Variants in SLC5A3 observed in about 807,000 individuals in gnomAD.
The protein encoded by SLC5A3 is sodium/myo-inositol cotransporter.
In SLC5A3, 10 loss-of-function variants were observed where a neutral mutation model predicts 43.2. That is an observed-to-expected ratio of 0.23 (90% confidence interval 0.14 to 0.39). SLC5A3 has a LOEUF of 0.39. Ranked by LOEUF, SLC5A3 falls within the 10% of genes least tolerant of loss-of-function variation. The pLI, the probability that SLC5A3 is intolerant of heterozygous loss-of-function variation, is 1.00. For synonymous variants in SLC5A3, 349 were observed against 322.0 expected (o/e 1.08, Z -0.90); for missense variants, 608 against 893.4 (o/e 0.68, Z 4.07).
At chr21:34,078,786 T>C (rs1989392558) in intron 1 of SLC5A3, among the ~76,000 whole-genome samples, 1 of 152,226 alleles carries the variant, frequency 6.6e-6, no homozygotes, top group African/African-American at 2.4e-5. Context: ...GATAAAATAC[T>C]GTGTGATTAC....
intron 1 of SLC5A3, among the ~76,000 whole-genome samples, chr21:34,091,271 T>G (rs1469753815): frequency 6.6e-6 from 1 of 152,032 alleles, no homozygotes; most frequent in Non-Finnish European, 1.5e-5. Context: ...GGCCCCGCCC[T>G]GTGTCATTGA....
Position 34,098,720 on chromosome 21 carries a change from C to G in SLC5A3, c.*1365C>G, listed in dbSNP as rs1479951013. On this transcript the variant is annotated 3_prime_UTR_variant, in exon 2 of 2. Transcript: ENST00000381151. Reference sequence around the variant, plus strand: ...TACAGGACTGTGTAATTATAGGACTCTAACTTGACATGGCTTGGCACCCAC... The same window carrying G: ...TACAGGACTGTGTAATTATAGGACTGTAACTTGACATGGCTTGGCACCCAC... 4 of 1,000,088 alleles carry G rather than the reference C, an allele frequency of 4.0e-6. No homozygotes were observed. Among genetic ancestry groups the G allele is most frequent in the African/African-American group, 1.7e-5 (1 of 57,212 alleles). 62.0% of individuals were successfully genotyped at this position (1,000,088 alleles called of 1,614,324 possible).
intron 1 of SLC5A3, among the ~76,000 whole-genome samples, chr21:34,091,245 C>T (rs899210147): frequency 1.2e-4 from 9 of 73,672 alleles, no homozygotes; most frequent in Admixed American, 1.2e-3. Context: ...AAGATTATTG[C>T]GTACTACTCT....
At position 34,096,380 on chromosome 21, in the gene SLC5A3, G is replaced by A. The variant is rs199974492; in HGVS notation, c.1182G>A (p.Val394=). ...NSASTIFTLD[V]YKLIRKSASS... is the part of the protein sequence containing the mutation. ...CCAGTACCATATTCACCCTCGATGT[G>A]TACAAACTTATCCGCAAGAGCGCAA... is the stretch of plus-strand genomic sequence containing the variant. The change falls in exon 2 of 2, where the codon GTG becomes GTA. Residue 394 remains valine, a synonymous_variant. Coordinates refer to ENST00000381151, the MANE Select transcript of SLC5A3 (RefSeq NM_006933.7). The surrounding 1 kb of genome is among the most constrained non-coding windows in gnomAD (Gnocchi z 5.9). 35 of 1,614,050 alleles carry A rather than the reference G, an allele frequency of 2.2e-5. No individual in the cohort carries two copies. Among genetic ancestry groups the A allele is most frequent in the African/African-American group, 9.3e-5 (7 of 74,928 alleles).
At chr21:34,089,744 T>C (rs1311706914) in intron 1 of SLC5A3, among the ~76,000 whole-genome samples, 1 of 152,220 alleles carries the variant, frequency 6.6e-6, no homozygotes, top group Non-Finnish European at 1.5e-5. Context: ...CCCTCCCTAC[T>C]CTGCCTCAAC....
intron 1 of SLC5A3, among the ~76,000 whole-genome samples, chr21:34,078,692 C>G (rs546250549): frequency 6.6e-6 from 1 of 152,024 alleles, no homozygotes; most frequent in Non-Finnish European, 1.5e-5. Context: ...GTTTGTACTA[C>G]TACATGTTTA....
intron 1 of SLC5A3, among the ~76,000 whole-genome samples, chr21:34,091,837 TA>T (rs771957597): frequency 3.4e-4 from 52 of 152,324 alleles, no homozygotes; most frequent in Non-Finnish European, 6.8e-4. Context: ...ATTCTACAAG[TA>T]TTACTCCCAT....
At chr21:34,092,208 C>G (rs1417898414) in intron 1 of SLC5A3, among the ~76,000 whole-genome samples, 1 of 152,052 alleles carries the variant, frequency 6.6e-6, no homozygotes, top group Non-Finnish European at 1.5e-5. Context: ...AAATTCAAGG[C>G]TGTGACTGTG....
chr21:34,089,214 A>T (rs1978556546), intron 1 of SLC5A3, among the ~76,000 whole-genome samples: 1 of 151,120 alleles, frequency 6.6e-6, no homozygotes, highest in African/African-American at 2.4e-5. Context: ...TTTTTTAGAG[A>T]TGAGGTTTGG....
chr21:34,085,747 C>T (rs562588673), intron 1 of SLC5A3, among the ~76,000 whole-genome samples: 2 of 152,086 alleles, frequency 1.3e-5, no homozygotes, highest in African/African-American at 2.4e-5. Context: ...GGACTACAGG[C>T]GCCCGCCACC....
intron 1 of SLC5A3, among the ~76,000 whole-genome samples, chr21:34,089,909 C>T (rs1478807122): frequency 6.6e-6 from 1 of 152,210 alleles, no homozygotes; most frequent in Non-Finnish European, 1.5e-5. Context: ...ATGGTTAAAA[C>T]ATTACGGTAC....
Position 34,096,458 on chromosome 21 carries a change from G to C in SLC5A3, c.1260G>C (p.Val420=), listed in dbSNP as rs370000793. Reference sequence around the variant, plus strand: ...GGATATTTGTGGCATTTATGGTGGTGATCAGCATAGCATGGGTGCCAATCA... The same window carrying C: ...GGATATTTGTGGCATTTATGGTGGTCATCAGCATAGCATGGGTGCCAATCA... ...VGRIFVAFMV[V]ISIAWVPIIV... The change falls in exon 2 of 2, where the codon GTG becomes GTC. Residue 420 remains valine, a synonymous_variant. Transcript: ENST00000381151. This position sits in a 1 kb window ranked among gnomAD's most constrained non-coding sequence, Gnocchi z 5.9. 6 of 1,614,182 alleles carry C rather than the reference G, an allele frequency of 3.7e-6. No individual in the cohort carries two copies. In the African/African-American group the frequency reaches 8.0e-5, roughly 22 times the overall value.
chr21:34,099,537 A>G lies in SLC5A3; in HGVS notation c.*2182A>G, dbSNP rs1979135645. 1.7e-5 allele frequency: 17 copies of G among 999,678 alleles called. No individual in the cohort carries two copies. The highest frequency in any genetic ancestry group is 2.0e-5 in the Non-Finnish European group (17 of 829,742). The allele number at this position is 999,678 out of a possible 1,614,324, so 61.9% of individuals were successfully genotyped here. ...CACATTACTGTGTAATTCACTGATA[A>G]TTGACATATTGGCTGGGCAGCCTAT... On this transcript the variant is annotated 3_prime_UTR_variant, in exon 2 of 2. Coordinates refer to ENST00000381151, the MANE Select transcript of SLC5A3 (RefSeq NM_006933.7).
chr21:34,098,450 A>G lies in SLC5A3; in HGVS notation c.*1095A>G, dbSNP rs1175431963. The G allele has an allele frequency of 7.0e-6, 7 of 999,810 alleles. No homozygotes were observed. In the African/African-American group the frequency reaches 1.2e-4, roughly 18 times the overall value. 61.9% of individuals were successfully genotyped at this position (999,810 alleles called of 1,614,324 possible). A position where few individuals can be genotyped will look rare whatever the true frequency, so the allele number is the denominator to read the frequency against. On this transcript the variant is annotated 3_prime_UTR_variant, in exon 2 of 2. Transcript: ENST00000381151. ...TCTGATATCTTATTGCATCCTTGAT[A>G]AGTTTTTCCCTGATTTTTTTTTTCC...
intron 1 of SLC5A3, among the ~76,000 whole-genome samples, chr21:34,080,037 C>T (rs1369227812): frequency 1.3e-5 from 2 of 152,174 alleles, no homozygotes; most frequent in Non-Finnish European, 2.9e-5. Context: ...AGTTGAACTG[C>T]TCATGTTGTT....
rs1979132685 is a variant in SLC5A3, at chr21:34,099,495, T to G, written c.*2140T>G. 1 of 999,762 alleles carries G rather than the reference T, an allele frequency of 1.0e-6. No individual in the cohort carries two copies. The highest frequency in any genetic ancestry group is 1.7e-5 in the African/African-American group (1 of 57,370). The allele number at this position is 999,762 out of a possible 1,614,324, so 61.9% of individuals were successfully genotyped here. A position where few individuals can be genotyped will look rare whatever the true frequency, so the allele number is the denominator to read the frequency against. ...CAAATTAACATTAAGTTGTAAGAAC[T>G]AAAATTTTCTTTGAACCACATTACT... On this transcript the variant is annotated 3_prime_UTR_variant, in exon 2 of 2. Coordinates refer to ENST00000381151, the MANE Select transcript of SLC5A3 (RefSeq NM_006933.7).
At chr21:34,084,366 A>G (rs1224070710) in intron 1 of SLC5A3, among the ~76,000 whole-genome samples, 12 of 152,290 alleles carry the variant, frequency 7.9e-5, no homozygotes, top group South Asian at 2.1e-4. Context: ...TTCTAGAAAC[A>G]TAAAATTGGA....
chr21:34,092,713 C>T (rs1330774033), intron 1 of SLC5A3, among the ~76,000 whole-genome samples: 5 of 152,174 alleles, frequency 3.3e-5, no homozygotes, highest in Admixed American at 2.6e-4. Context: ...GCACTTTGTT[C>T]TCTGAACAAA....
intron 1 of SLC5A3, among the ~76,000 whole-genome samples, chr21:34,077,597 TTC>T (rs1485688193): frequency 1.3e-5 from 2 of 152,228 alleles, no homozygotes; most frequent in Admixed American, 6.5e-5. Flanking sequence ...TCATATGTTT[TTC>T]TAATAGGAAT....
Sources: allele counts gnomAD v4.1 joint callset (sites outside exome capture counted in the v4.1 genomes callset), GRCh38; gene constraint gnomAD v4.1.1; non-coding constraint Gnocchi (gnomAD v3.1); transcripts MANE v1.5; gene names NCBI Gene and HGNC (gene_info 2026-07-23, HGNC 2026-07-21).